Variants in NRXN1 observed in about 807,000 individuals in gnomAD.
The protein encoded by NRXN1 is neurexin 1, also known as neurexin-1.
In NRXN1, 39 loss-of-function variants were observed where a neutral mutation model predicts 150.9. The observed-to-expected ratio is 0.26, with a 90% CI of 0.20 to 0.34. The LOEUF is 0.34. Ranked by LOEUF, NRXN1 falls within the 10% of genes least tolerant of loss-of-function variation. The pLI is 1.00. For missense variants in NRXN1, 1,815 were observed against 1,949.9 expected, an observed-to-expected ratio of 0.93 and a Z score of 1.30; for synonymous variants, 924 against 757.0, an observed-to-expected ratio of 1.22 and a Z score of -3.62.
intron 17 of NRXN1, among the ~76,000 whole-genome samples, chr2:50,410,043 T>A (rs2083033432): frequency 6.6e-6 from 1 of 152,198 alleles, no homozygotes; most frequent in Admixed American, 6.5e-5. Flanking sequence ...TTGACCTTTT[T>A]GTCCTGTGTC....
intron 17 of NRXN1, among the ~76,000 whole-genome samples, chr2:50,451,934 T>A (rs1417404964): frequency 6.6e-6 from 1 of 152,220 alleles, no homozygotes; most frequent in South Asian, 2.1e-4. Flanking sequence ...TACACAATTA[T>A]ATTACTGTTT....
At chr2:50,029,126 G>C (rs1418378233) in intron 21 of NRXN1, among the ~76,000 whole-genome samples, 1 of 152,160 alleles carries the variant, frequency 6.6e-6, no homozygotes, top group Non-Finnish European at 1.5e-5. Flanking sequence ...CTTTATAAGA[G>C]GCTGAACAAA....
At chr2:50,721,875 C>G (rs902418401) in intron 5 of NRXN1, among the ~76,000 whole-genome samples, 2 of 151,820 alleles carry the variant, frequency 1.3e-5, no homozygotes, top group African/African-American at 4.8e-5. Flanking sequence ...AACAACTTCC[C>G]GAAACTAGTG....
intron 6 of NRXN1, 144 bp downstream of exon 6, chr2:50,623,170 G>C: frequency 1.6e-6 from 1 of 636,766 alleles, no homozygotes; most frequent in Non-Finnish European, 2.7e-6. Flanking sequence ...AGTATGGCAG[G>C]AAGATTCATC....
intron 5 of NRXN1, among the ~76,000 whole-genome samples, chr2:50,899,067 C>T (rs537538306): frequency 3.6e-4 from 54 of 152,028 alleles, no homozygotes; most frequent in South Asian, 6.2e-4. Context: ...GAGCATTTGC[C>T]GAAGAACTAT....
intron 5 of NRXN1, among the ~76,000 whole-genome samples, chr2:50,894,714 TA>T (rs1681656107): frequency 6.6e-6 from 1 of 152,068 alleles, no homozygotes; most frequent in Non-Finnish European, 1.5e-5. Flanking sequence ...TATCTCAAAC[TA>T]AAAAATAAAA....
intron 5 of NRXN1, among the ~76,000 whole-genome samples, chr2:50,679,729 T>C (rs1020854872): frequency 6.6e-6 from 1 of 152,166 alleles, no homozygotes; most frequent in African/African-American, 2.4e-5. Flanking sequence ...CTTTACAAAG[T>C]ATAAGTAATT....
intron 9 of NRXN1, among the ~76,000 whole-genome samples, chr2:50,539,064 C>T (rs576277617): frequency 6.6e-6 from 1 of 152,290 alleles, no homozygotes; most frequent in South Asian, 2.1e-4. Flanking sequence ...CCTATTTTAA[C>T]TGACTTGATT....
intron 18 of NRXN1, among the ~76,000 whole-genome samples, chr2:50,233,385 C>G (rs1054120781): frequency 1.3e-5 from 2 of 151,930 alleles, no homozygotes; most frequent in African/African-American, 4.8e-5. Flanking sequence ...TTTAAGAGTA[C>G]AGTTAATCAA....
At chr2:50,900,231 T>C (rs942022127) in intron 5 of NRXN1, among the ~76,000 whole-genome samples, 5 of 152,186 alleles carry the variant, frequency 3.3e-5, no homozygotes, top group African/African-American at 1.2e-4. Flanking sequence ...CACAACATGT[T>C]GGACAATGTG....
At chr2:50,813,441 T>C (rs1668503819) in intron 5 of NRXN1, among the ~76,000 whole-genome samples, 1 of 152,292 alleles carries the variant, frequency 6.6e-6, no homozygotes, top group South Asian at 2.1e-4. Context: ...TGTATTACAT[T>C]TGCATAGCAT....
At chr2:49,971,365 A>G (rs1251106444) in intron 21 of NRXN1, among the ~76,000 whole-genome samples, 1 of 152,158 alleles carries the variant, frequency 6.6e-6, no homozygotes, top group African/African-American at 2.4e-5. Context: ...CTACATCACT[A>G]ATTATTTTGT....
Position 50,455,482 on chromosome 2 carries a change from A to C in NRXN1, c.3364+9960T>G, listed in dbSNP as rs554411393. Among the ~76,000 whole-genome samples the C allele has an allele frequency of 2.0e-5, 3 of 152,304 alleles. No individual in the cohort carries two copies. The South Asian group carries it at 6.2e-4, about 32-fold the overall frequency. On this transcript the variant is annotated intron_variant, in intron 17 of 22. Transcript: ENST00000401669. ...CTTAGGTTTTATCTTTAGCACTTCA[A>C]CACACTGAAAATGCTTCCAGGTTTT...
At chr2:51,008,560 A>C (rs1440016325) in intron 2 of NRXN1, among the ~76,000 whole-genome samples, 2 of 151,872 alleles carry the variant, frequency 1.3e-5, no homozygotes, top group Non-Finnish European at 2.9e-5. Flanking sequence ...TTACACATCA[A>C]TTCCTTTCCT....
At chr2:50,928,392 T>C (rs1004517039) in intron 2 of NRXN1, among the ~76,000 whole-genome samples, 2 of 152,028 alleles carry the variant, frequency 1.3e-5, no homozygotes, top group South Asian at 4.1e-4. Flanking sequence ...TATTCTATTC[T>C]GGTATCCATT....
At chr2:50,336,482 T>C (rs1263581887) in intron 17 of NRXN1, among the ~76,000 whole-genome samples, 2 of 152,256 alleles carry the variant, frequency 1.3e-5, no homozygotes, top group South Asian at 2.1e-4. Context: ...AGTTTATTAA[T>C]TGTCAGTCTT....
At chr2:50,241,493 A>C (rs1302631842) in intron 17 of NRXN1, among the ~76,000 whole-genome samples, 4 of 151,786 alleles carry the variant, frequency 2.6e-5, no homozygotes, top group African/African-American at 9.7e-5. Flanking sequence ...ATTAACCTTG[A>C]CATCCATCAG....
intron 17 of NRXN1, among the ~76,000 whole-genome samples, chr2:50,263,157 TACACACACACACACACACACACACAC>T (rs58442373): frequency 1.4e-5 from 2 of 147,238 alleles, no homozygotes; most frequent in Non-Finnish European, 3.0e-5. Flanking sequence ...AAAACACACA[TACACACACACACACACACACACACAC>T]ACACACACAC....
chr2:50,539,724 G>A (rs866531959), intron 9 of NRXN1, among the ~76,000 whole-genome samples: 1 of 152,170 alleles, frequency 6.6e-6, no homozygotes, highest in Non-Finnish European at 1.5e-5. Flanking sequence ...AGAAAGGATA[G>A]GAAGAGTCTG....
Sources: gnomAD v4.1 joint callset for allele counts (sites outside exome capture counted in the v4.1 genomes callset) on GRCh38, gnomAD v4.1.1 for gene constraint, MANE v1.5 for transcripts, NCBI Gene and HGNC (gene_info 2026-07-23, HGNC 2026-07-21) for gene names.